Variants in AHI1 observed in about 807,000 individuals in gnomAD.
AHI1 encodes the protein jouberin.
A neutral mutation model predicts 149.3 loss-of-function variants in AHI1; 123 were observed. That is an observed-to-expected ratio of 0.82 (90% CI 0.71 to 0.96). The LOEUF (loss-of-function observed/expected upper bound fraction) is 0.96, where lower values mean the gene tolerates loss of function less well. AHI1 is among the 40% of genes least tolerant of loss of function. The pLI is 0.00. For missense variants in AHI1, 1,439 were observed against 1,422.7 expected (o/e 1.01, Z -0.18); for synonymous variants, 475 against 459.8 (o/e 1.03, Z -0.42).
intron 11 of AHI1, among the ~76,000 whole-genome samples, chr6:135,449,536 T>C (rs1019298202): frequency 6.6e-6 from 1 of 152,166 alleles, no homozygotes; most frequent in African/African-American, 2.4e-5. Context: ...GTATCTTAAA[T>C]TAGAAGAATA....
chr6:135,393,353 A>G (rs1364054755), intron 23 of AHI1, among the ~76,000 whole-genome samples: 1 of 152,164 alleles, frequency 6.6e-6, no homozygotes, highest in African/African-American at 2.4e-5. Flanking sequence ...ATTTTAAACA[A>G]TATATTAACT....
chr6:135,301,637 A>G (rs1265532654), intron 26 of AHI1: 1 of 985,340 alleles, frequency 1.0e-6, no homozygotes, highest in Non-Finnish European at 1.2e-6. Context: ...TAGAGCTTTA[A>G]GTCAAGCATA....
chr6:135,388,321 A>G (rs937849717), intron 23 of AHI1, among the ~76,000 whole-genome samples: 2 of 152,252 alleles, frequency 1.3e-5, no homozygotes, highest in African/African-American at 4.8e-5. Context: ...TGACGAGATG[A>G]GAAAGTCTTT....
intron 24 of AHI1, among the ~76,000 whole-genome samples, chr6:135,332,479 T>C (rs180671407): frequency 3.3e-5 from 5 of 152,344 alleles, no homozygotes; most frequent in Admixed American, 2.0e-4. Flanking sequence ...CCCAGGTATA[T>C]TGAATATTGA....
chr6:135,457,723 T>A lies in AHI1; in HGVS notation c.932-10A>T. On this transcript the variant is annotated splice_polypyrimidine_tract_variant and intron_variant, in intron 8 of 28. Transcript: ENST00000265602. Reference sequence around the variant, plus strand: ...TCATTATTATCTGCAACTACACGCATGGAAAAAAAAATCAATGTTATAATT... The same window carrying A: ...TCATTATTATCTGCAACTACACGCAAGGAAAAAAAAATCAATGTTATAATT... 6.2e-7 allele frequency: 1 copy of A among 1,607,402 alleles called. No individual in the cohort carries two copies. The highest frequency in any genetic ancestry group is 1.7e-5 in the Admixed American group (1 of 59,190).
intron 3 of AHI1, chr6:135,495,357 C>T (rs1795818956): frequency 1.3e-5 from 2 of 152,198 alleles, no homozygotes; most frequent in Admixed American, 1.3e-4. Flanking sequence ...TTCACACATC[C>T]ACTGTGTTCC....
intron 26 of AHI1, chr6:135,302,432 C>A (rs1783994095): frequency 1.3e-5 from 13 of 994,934 alleles, no homozygotes; most frequent in Non-Finnish European, 1.6e-5. Flanking sequence ...GCAGGTCTTG[C>A]CAATTCTGCT....
At chr6:135,418,417 C>A (rs1198993473) in intron 20 of AHI1, among the ~76,000 whole-genome samples, 3 of 152,012 alleles carry the variant, frequency 2.0e-5, no homozygotes, top group African/African-American at 7.2e-5. Context: ...TTAAAAAATT[C>A]TTAAAATGTT....
intron 20 of AHI1, among the ~76,000 whole-genome samples, chr6:135,412,639 G>C (rs1163794570): frequency 6.6e-6 from 1 of 152,076 alleles, no homozygotes; most frequent in Non-Finnish European, 1.5e-5. Flanking sequence ...TACCTCATTT[G>C]ATCATTTAAA....
At chr6:135,489,997 A>T (rs1186910737) in intron 5 of AHI1, 3 of 486,216 alleles carry the variant, frequency 6.2e-6, no homozygotes, top group African/African-American at 6.0e-5. Context: ...AGTGCAACTC[A>T]AGTAGGGAGA....
intron 5 of AHI1, among the ~76,000 whole-genome samples, chr6:135,487,603 A>T (rs935140326): frequency 1.3e-5 from 2 of 152,186 alleles, no homozygotes; most frequent in African/African-American, 4.8e-5. Flanking sequence ...CTGACACCAT[A>T]TACAGTGTAT....
intron 27 of AHI1, 125 bp from the exon 28 acceptor site, chr6:135,290,650 C>T: frequency 1.2e-6 from 1 of 835,588 alleles, no homozygotes; most frequent in Non-Finnish European, 2.0e-6. Context: ...GAGGATATGA[C>T]AGAGAAAAAC....
intron 23 of AHI1, among the ~76,000 whole-genome samples, chr6:135,382,210 A>G (rs1315286219): frequency 6.6e-6 from 1 of 152,238 alleles, no homozygotes; most frequent in Non-Finnish European, 1.5e-5. Flanking sequence ...CCAGTCACGC[A>G]TATAGTCATT....
intron 26 of AHI1, among the ~76,000 whole-genome samples, chr6:135,309,630 C>T (rs200427669): frequency 6.6e-6 from 1 of 151,920 alleles, no homozygotes; most frequent in Non-Finnish European, 1.5e-5. Context: ...TACAGGCATG[C>T]GCCACCACAC....
At chr6:135,382,805 A>G (rs181142904) in intron 23 of AHI1, among the ~76,000 whole-genome samples, 105 of 149,474 alleles carry the variant, frequency 7.0e-4, no homozygotes, top group South Asian at 2.1e-3. Flanking sequence ...TTTTTGTGAT[A>G]CAAGTGCTAT....
At chr6:135,375,342 C>T (rs1775753719) in intron 23 of AHI1, among the ~76,000 whole-genome samples, 1 of 151,878 alleles carries the variant, frequency 6.6e-6, no homozygotes, top group African/African-American at 2.4e-5. Flanking sequence ...AAACACTACT[C>T]AATATTAGTA....
intron 24 of AHI1, among the ~76,000 whole-genome samples, chr6:135,325,171 C>T (rs915102056): frequency 7.9e-5 from 12 of 151,934 alleles, no homozygotes; most frequent in South Asian, 4.2e-4. Context: ...GGATTACAGG[C>T]GCCCACCACC....
intron 24 of AHI1, among the ~76,000 whole-genome samples, chr6:135,353,031 G>GA (rs373521380): frequency 2.6e-5 from 4 of 151,180 alleles, no homozygotes; most frequent in African/African-American, 7.3e-5. Context: ...AGAAATGGAG[G>GA]AAAAAAAGTC....
chr6:135,433,253 T>C lies in AHI1; in HGVS notation c.2040A>G (p.Ile680Met). ...LTSSSDGTAR[I>M]WKNEINNTNT... ...TTGTATTGTTTATTTCATTTTTCCATATCCTGGAAAAGGATAAGAAGTTAC... is the reference window on the plus strand; with the variant it reads ...TTGTATTGTTTATTTCATTTTTCCACATCCTGGAAAAGGATAAGAAGTTAC... Residue 680 changes from isoleucine (I) to methionine (M), a missense_variant, in exon 16 of 29, where the codon ATA becomes ATG. By Grantham distance (10) the Ile-to-Met change is conservative (BLOSUM62 1). Transcript: ENST00000265602. 2 of 1,587,890 alleles carry C rather than the reference T, an allele frequency of 1.3e-6. No individual in the cohort carries two copies. Among genetic ancestry groups the C allele is most frequent in the Non-Finnish European group, 1.7e-6 (2 of 1,157,452 alleles).
Sources: allele counts gnomAD v4.1 joint callset (sites outside exome capture counted in the v4.1 genomes callset), GRCh38; gene constraint gnomAD v4.1.1; transcripts MANE v1.5; gene names NCBI Gene and HGNC (gene_info 2026-07-23, HGNC 2026-07-21).